Variants in RANBP17 observed in about 807,000 individuals in gnomAD.
RANBP17 encodes the protein RAN binding protein 17.
A neutral mutation model predicts 141.2 loss-of-function variants in RANBP17; 158 were observed. The observed-to-expected ratio is 1.12, with a 90% CI of 0.98 to 1.28. RANBP17 has a LOEUF of 1.28. Ranked by LOEUF, RANBP17 falls within the 50% of genes most tolerant of loss-of-function variation. The pLI is 0.00. For synonymous variants in RANBP17, 430 were observed against 450.0 expected, an observed-to-expected ratio of 0.96 and a Z score of 0.56; for missense variants, 1,438 against 1,290.7, an observed-to-expected ratio of 1.11 and a Z score of -1.75.
chr5:170,878,161 T>C lies in RANBP17; in HGVS notation c.83T>C (p.Ile28Thr), dbSNP rs774445865. ...LYIGTDLTQR[I>T]EAEKALLELI... ...ATAGGGACTGATCTTACACAAAGAA[T>C]AGAGGCTGAGAAAGCACTCTTGGAA... Residue 28 changes from isoleucine (I) to threonine (T), a missense_variant, in exon 2 of 28, where the codon ATA (isoleucine) becomes ACA (threonine). By Grantham distance (89) the Ile-to-Thr change is moderately conservative. Coordinates refer to ENST00000523189, the MANE Select transcript of RANBP17 (RefSeq NM_022897.5). 6.2e-7 allele frequency: 1 copy of C among 1,612,910 alleles called. No homozygotes were observed. The highest frequency in any genetic ancestry group is 8.5e-7 in the Non-Finnish European group (1 of 1,179,320).
intron 14 of RANBP17, chr5:171,158,540 A>G (rs1364547941): frequency 5.6e-6 from 1 of 177,820 alleles, no homozygotes; most frequent in East Asian, 9.5e-5. Flanking sequence ...ATAACATAAT[A>G]GAAAATTTTG....
At chr5:170,879,454 A>C (rs1486605215) in intron 2 of RANBP17, among the ~76,000 whole-genome samples, 3 of 152,130 alleles carry the variant, frequency 2.0e-5, no homozygotes, top group Admixed American at 1.3e-4. Context: ...ATATCTCTGA[A>C]TAGAGAGCTC....
At chr5:171,048,590 A>G (rs956296435) in intron 14 of RANBP17, among the ~76,000 whole-genome samples, 5 of 152,098 alleles carry the variant, frequency 3.3e-5, no homozygotes. Context: ...GGTAATAACC[A>G]TAGTACTCGA....
intron 12 of RANBP17, among the ~76,000 whole-genome samples, chr5:170,940,239 G>T (rs1774218909): frequency 6.6e-6 from 1 of 152,116 alleles, no homozygotes; most frequent in Admixed American, 6.6e-5. Flanking sequence ...TAGGATCATT[G>T]TTAATATCAA....
chr5:171,103,233 G>A (rs1243738701), intron 14 of RANBP17, among the ~76,000 whole-genome samples: 4 of 152,202 alleles, frequency 2.6e-5, no homozygotes, highest in Non-Finnish European at 5.9e-5. Flanking sequence ...CTGTCCCAGG[G>A]AGATGGGAAC....
intron 16 of RANBP17, among the ~76,000 whole-genome samples, chr5:171,179,185 G>T (rs1299815706): frequency 6.6e-6 from 1 of 152,106 alleles, no homozygotes; most frequent in Non-Finnish European, 1.5e-5. Flanking sequence ...AGTCCATCTT[G>T]TGAATAAATA....
At chr5:171,132,407 A>G (rs1756984321) in intron 14 of RANBP17, among the ~76,000 whole-genome samples, 1 of 151,836 alleles carries the variant, frequency 6.6e-6, no homozygotes, top group Non-Finnish European at 1.5e-5. Flanking sequence ...CTGCAGGGAC[A>G]AGACTAAAAT....
At chr5:171,233,777 G>A (rs557131455) in intron 22 of RANBP17, among the ~76,000 whole-genome samples, 1 of 152,242 alleles carries the variant, frequency 6.6e-6, no homozygotes, top group South Asian at 2.1e-4. Flanking sequence ...AGGATTTGGA[G>A]GCATTGAAAC....
intron 22 of RANBP17, among the ~76,000 whole-genome samples, chr5:171,227,602 A>G (rs1413312050): frequency 6.6e-6 from 1 of 152,228 alleles, no homozygotes; most frequent in Admixed American, 6.5e-5. Context: ...ATTCATTTTG[A>G]TGAAGGTGGC....
At chr5:171,237,443 G>A (rs529365883) in intron 22 of RANBP17, among the ~76,000 whole-genome samples, 3 of 152,158 alleles carry the variant, frequency 2.0e-5, no homozygotes, top group South Asian at 2.1e-4. Context: ...TCCATTCCCC[G>A]TTATTGCCTT....
chr5:170,934,478 C>T (rs202139841), intron 12 of RANBP17, among the ~76,000 whole-genome samples: 9 of 151,508 alleles, frequency 5.9e-5, no homozygotes, highest in Admixed American at 1.3e-4. Context: ...TTCCTTTCCA[C>T]GTTTAGTGTA....
At chr5:170,953,829 A>G in intron 13 of RANBP17, 127 bp downstream of exon 13, 1 of 622,214 alleles carries the variant, frequency 1.6e-6, no homozygotes, top group Non-Finnish European at 2.8e-6. Flanking sequence ...TTCCCTTTTT[A>G]TTGGTGAGAA....
At chr5:171,136,842 G>A (rs1757324140) in intron 14 of RANBP17, among the ~76,000 whole-genome samples, 1 of 152,150 alleles carries the variant, frequency 6.6e-6, no homozygotes, top group African/African-American at 2.4e-5. Context: ...ACTTGGAACT[G>A]TGAAGCTGTA....
chr5:171,086,629 C>T (rs977138319), intron 14 of RANBP17, among the ~76,000 whole-genome samples: 8 of 149,018 alleles, frequency 5.4e-5, no homozygotes, highest in African/African-American at 2.0e-4. Flanking sequence ...TGATTATTGC[C>T]ACAATTTCAG....
In RANBP17 at chr5:170,909,766, G is replaced by A; in HGVS notation, c.594+1G>A. On this transcript the variant is annotated splice_donor_variant, in intron 6 of 27. Coordinates refer to ENST00000523189, the MANE Select transcript of RANBP17 (RefSeq NM_022897.5). LOFTEE classifies it high-confidence loss of function. Reference sequence around the variant, plus strand: ...GCTAGCATGCTCTCTTTTAAAAGAGGTAAGTTATTTGATAATTCAACTTCC... The same window carrying A: ...GCTAGCATGCTCTCTTTTAAAAGAGATAAGTTATTTGATAATTCAACTTCC... The A allele has an allele frequency of 2.1e-6, 3 of 1,413,256 alleles. No homozygotes were observed. Among genetic ancestry groups the A allele is most frequent in the Non-Finnish European group, 3.0e-6 (3 of 1,003,140 alleles). 87.5% of individuals were successfully genotyped at this position (1,413,256 alleles called of 1,614,324 possible).
At chr5:170,874,804 A>AT (rs1236486277) in intron 1 of RANBP17, among the ~76,000 whole-genome samples, 2 of 152,132 alleles carry the variant, frequency 1.3e-5, no homozygotes, top group Non-Finnish European at 2.9e-5. Flanking sequence ...GTGTCTTTTT[A>AT]TTGGGGCATT....
intron 14 of RANBP17, among the ~76,000 whole-genome samples, chr5:170,982,460 A>G (rs1243706744): frequency 6.6e-6 from 1 of 152,192 alleles, no homozygotes; most frequent in Non-Finnish European, 1.5e-5. Context: ...TAAAACCATT[A>G]AAAGGATTTT....
intron 14 of RANBP17, among the ~76,000 whole-genome samples, chr5:170,969,665 G>A (rs1776848037): frequency 6.6e-6 from 1 of 151,906 alleles, no homozygotes; most frequent in Admixed American, 6.6e-5. Context: ...TGTTTTGAAG[G>A]CACCTGGAAG....
At chr5:171,279,770 A>G (rs1767740288) in intron 25 of RANBP17, among the ~76,000 whole-genome samples, 1 of 152,084 alleles carries the variant, frequency 6.6e-6, no homozygotes, top group Non-Finnish European at 1.5e-5. Flanking sequence ...CAGTGACTGT[A>G]TGAGAGACCT....
Sources: gnomAD v4.1 joint callset for allele counts (sites outside exome capture counted in the v4.1 genomes callset) on GRCh38, gnomAD v4.1.1 for gene constraint, MANE v1.5 for transcripts, NCBI Gene and HGNC (gene_info 2026-07-23, HGNC 2026-07-21) for gene names.